Variants in ARHGEF26 observed in about 807,000 individuals in gnomAD.
ARHGEF26 encodes Rho guanine nucleotide exchange factor 26, also known as Rho guanine nucleotide exchange factor (GEF) 26.
ARHGEF26 carries 59 observed loss-of-function variants against 89.4 expected under a neutral mutation model. The observed-to-expected ratio is 0.66, with a 90% CI of 0.54 to 0.82. ARHGEF26 has a LOEUF of 0.82. Among genes scored for constraint, ARHGEF26 ranks in the 40% least tolerant of loss-of-function variants. The probability of loss-of-function intolerance (pLI) is 0.00; values close to 1 mark genes in which losing one functional copy is unlikely to be tolerated. For synonymous variants in ARHGEF26, 500 were observed against 428.4 expected, an observed-to-expected ratio of 1.17 and a Z score of -2.06; for missense variants, 1,234 against 1,085.6, an observed-to-expected ratio of 1.14 and a Z score of -1.92.
intron 9 of ARHGEF26, among the ~76,000 whole-genome samples, chr3:154,203,328 C>G (rs867519994): frequency 6.6e-6 from 1 of 152,054 alleles, no homozygotes; most frequent in Admixed American, 6.6e-5. Context: ...TGAACCAGCC[C>G]TGCATCCCAG....
chr3:154,239,287 A>AGTGT (rs1717324770), intron 11 of ARHGEF26, among the ~76,000 whole-genome samples: 33 of 104,282 alleles, frequency 3.2e-4, no homozygotes, highest in East Asian at 2.2e-3. Context: ...AGAGAGAGAG[A>AGTGT]GAGAGAGAGA....
chr3:154,207,694 C>G (rs770456990), intron 9 of ARHGEF26, among the ~76,000 whole-genome samples: 1 of 152,130 alleles, frequency 6.6e-6, no homozygotes, highest in Non-Finnish European at 1.5e-5. Context: ...GTGGTGATTC[C>G]TTAAAGACCT....
At chr3:154,206,405 T>G (rs1715023828) in intron 9 of ARHGEF26, among the ~76,000 whole-genome samples, 1 of 152,208 alleles carries the variant, frequency 6.6e-6, no homozygotes, top group African/African-American at 2.4e-5. Flanking sequence ...GATAAACAAC[T>G]TGAGCAAAGT....
chr3:154,203,994 C>T (rs921422378), intron 9 of ARHGEF26, among the ~76,000 whole-genome samples: 23 of 151,870 alleles, frequency 1.5e-4, no homozygotes, highest in African/African-American at 3.6e-4. Flanking sequence ...TTTGGTATCA[C>T]GGAAATATTG....
At chr3:154,211,113 G>T (rs1715334792) in intron 9 of ARHGEF26, among the ~76,000 whole-genome samples, 1 of 151,908 alleles carries the variant, frequency 6.6e-6, no homozygotes, top group Admixed American at 6.6e-5. Flanking sequence ...CTCTTTTGGA[G>T]CCCCAGCTGT....
chr3:154,239,299 A>AGAGAGAGTGT (rs1182446964), intron 11 of ARHGEF26, among the ~76,000 whole-genome samples: 2 of 64,254 alleles, frequency 3.1e-5, no homozygotes, highest in African/African-American at 6.1e-5. Context: ...AGAGAGAGAG[A>AGAGAGAGTGT]GTGTGTGTGT....
In ARHGEF26 at chr3:154,122,977, A is replaced by G; in HGVS notation, c.985A>G (p.Ser329Gly). 1 of 1,613,836 alleles carries G rather than the reference A, an allele frequency of 6.2e-7. No homozygotes were observed. The highest frequency in any genetic ancestry group is 8.5e-7 in the Non-Finnish European group (1 of 1,179,826). ...RAVVSGFDFD[S>G]PTSSKKKNRM... The stretch of plus-strand genomic sequence containing the variant: ...AGTGGTCAGTGGCTTTGATTTTGAC[A>G]GTCCTACCAGCTCGAAGAAGAAGAA... The change falls in exon 2 of 15, where the codon AGT (serine) becomes GGT (glycine). Residue 329 changes from serine to glycine, a missense_variant. Coordinates refer to ENST00000465093, the MANE Select transcript of ARHGEF26 (RefSeq NM_015595.4).
chr3:154,121,299 GCTT>G (rs1408192699), upstream of ARHGEF26: 1 of 152,290 alleles, frequency 6.6e-6, no homozygotes, highest in Non-Finnish European at 1.5e-5. Flanking sequence ...CGGGAAGACA[GCTT>G]CTTGCTTCTG....
At chr3:154,183,099 C>T (rs1232084867) in intron 6 of ARHGEF26, among the ~76,000 whole-genome samples, 3 of 152,300 alleles carry the variant, frequency 2.0e-5, no homozygotes, top group African/African-American at 4.8e-5. Flanking sequence ...ATTATCTGCA[C>T]AGCTGAGGAG....
Position 154,181,179 on chromosome 3 carries a change from A to G in ARHGEF26, c.1488-6506A>G, listed in dbSNP as rs536888463. On this transcript the variant is annotated intron_variant, in intron 6 of 14. Coordinates refer to ENST00000465093, the MANE Select transcript of ARHGEF26 (RefSeq NM_015595.4). ...CCAAATCTTACTTACCGGCAGCAGA[A>G]TATAAATTCATTTTGGTAGAGTACA... is the stretch of plus-strand genomic sequence containing the variant. Among the ~76,000 whole-genome samples, 7 of 152,344 alleles carry G rather than the reference A, an allele frequency of 4.6e-5. No homozygotes were observed. The East Asian group carries it at 1.2e-3, about 25-fold the overall frequency.
chr3:154,190,959 G>C (rs1423323212), intron 7 of ARHGEF26, among the ~76,000 whole-genome samples: 1 of 152,072 alleles, frequency 6.6e-6, no homozygotes, highest in Non-Finnish European at 1.5e-5. Context: ...TCTGTATACT[G>C]ATTTATGACC....
At chr3:154,246,750 G>T (rs908850154) in intron 12 of ARHGEF26, among the ~76,000 whole-genome samples, 1 of 152,190 alleles carries the variant, frequency 6.6e-6, no homozygotes, top group Non-Finnish European at 1.5e-5. Context: ...ACCGTGATAT[G>T]TAGGAGGAGA....
At chr3:154,153,392 A>G (rs1720142381) in intron 6 of ARHGEF26, among the ~76,000 whole-genome samples, 1 of 152,116 alleles carries the variant, frequency 6.6e-6, no homozygotes, top group Admixed American at 6.6e-5. Flanking sequence ...ATAAACTTTT[A>G]TACATTCAAA....
chr3:154,243,201 C>T (rs1717581020), intron 12 of ARHGEF26, among the ~76,000 whole-genome samples: 1 of 152,184 alleles, frequency 6.6e-6, no homozygotes, highest in South Asian at 2.1e-4. Flanking sequence ...GACTTTAACA[C>T]TTTGGAAATC....
chr3:154,240,564 T>A lies in ARHGEF26; in HGVS notation c.2285T>A (p.Leu762Gln). 1 of 1,610,452 alleles carries A rather than the reference T, an allele frequency of 6.2e-7. No homozygotes were observed. Among genetic ancestry groups the A allele is most frequent in the Non-Finnish European group, 8.5e-7 (1 of 1,178,220 alleles). ...GCGAATGAGAAAGTGGAGATGCTAC[T>A]AGGAGCTGAGACGCAGTAAGTATAT... The part of the protein sequence containing the change: ...NHANEKVEML[L>Q]GAETQSERAR... The change falls in exon 12 of 15, where the codon CTA (leucine) becomes CAA (glutamine). Residue 762 changes from leucine to glutamine, a missense_variant. Physicochemically the swap from Leu to Gln is moderately radical, Grantham distance 113. Coordinates refer to ENST00000465093, the MANE Select transcript of ARHGEF26 (RefSeq NM_015595.4).
At chr3:154,240,020 C>A (rs1413856497) in intron 11 of ARHGEF26, among the ~76,000 whole-genome samples, 1 of 151,998 alleles carries the variant, frequency 6.6e-6, no homozygotes, top group Non-Finnish European at 1.5e-5. Context: ...CTTCATTCTG[C>A]AAATAGAGAT....
chr3:154,219,612 AAAAG>A (rs1192224851), intron 10 of ARHGEF26, among the ~76,000 whole-genome samples: 4 of 151,474 alleles, frequency 2.6e-5, no homozygotes, highest in South Asian at 2.1e-4. Flanking sequence ...AAGAAAAAGA[AAAAG>A]AAACTCTGTC....
chr3:154,228,998 TA>T lies in ARHGEF26; in HGVS notation c.2090+2989del, dbSNP rs1222822537. On this transcript the variant is annotated intron_variant, in intron 11 of 14. Transcript: ENST00000465093. ...GAGAAAAGCTGCTCGGGAGGACAGT[TA>T]CTCTTCCTCCTCCGATCCAGACTGG... 5.6e-4 allele frequency among the ~76,000 whole-genome samples: 85 copies of T among 152,250 alleles called. 1 individual carries two copies. Among genetic ancestry groups the T allele is most frequent in the Admixed American group, 3.3e-3 (51 of 15,296 alleles).
At chr3:154,189,730 C>T (rs1173870811) in intron 7 of ARHGEF26, among the ~76,000 whole-genome samples, 1 of 152,134 alleles carries the variant, frequency 6.6e-6, no homozygotes, top group African/African-American at 2.4e-5. Context: ...CAAATGTACA[C>T]TGTCCAGAGT....
Sources: gnomAD v4.1 joint callset for allele counts (sites outside exome capture counted in the v4.1 genomes callset) on GRCh38, gnomAD v4.1.1 for gene constraint, MANE v1.5 for transcripts, NCBI Gene and HGNC (gene_info 2026-07-23, HGNC 2026-07-21) for gene names.